The following TMEM229B variants were observed in gnomAD, a reference collection of about 807,000 sequenced individuals.
The protein encoded by TMEM229B is transmembrane protein 229B.
Under a neutral mutation model 13.7 loss-of-function variants are expected in TMEM229B, and 6 were observed. That is an observed-to-expected ratio of 0.44 (90% CI 0.24 to 0.86). The LOEUF (loss-of-function observed/expected upper bound fraction) is 0.86, where lower values mean the gene tolerates loss of function less well. Ranked by LOEUF, TMEM229B falls within the 40% of genes least tolerant of loss-of-function variation. TMEM229B has a pLI of 0.23. For synonymous variants in TMEM229B, 107 were observed against 102.1 expected (o/e 1.05, Z -0.29); for missense variants, 170 against 236.0 (o/e 0.72, Z 1.83).
upstream of TMEM229B, among the ~76,000 whole-genome samples, chr14:67,493,444 G>T (rs1458038654): frequency 6.6e-6 from 1 of 152,182 alleles, no homozygotes; most frequent in Non-Finnish European, 1.5e-5. Flanking sequence ...CTGTGTTAGG[G>T]ATAAAAACCC....
At chr14:67,497,055 G>C (rs1276406612) in intron 1 of TMEM229B, among the ~76,000 whole-genome samples, 2 of 151,938 alleles carry the variant, frequency 1.3e-5, no homozygotes, top group East Asian at 1.9e-4. Flanking sequence ...GCCTCCCAAA[G>C]TGCTGGGATT....
At chr14:67,526,930 CACA>C (rs1302213691) in intron 1 of TMEM229B, among the ~76,000 whole-genome samples, 1 of 152,176 alleles carries the variant, frequency 6.6e-6, no homozygotes, top group Non-Finnish European at 1.5e-5. Flanking sequence ...AAACCCTGAG[CACA>C]ACAAGGAGAA....
intron 1 of TMEM229B, among the ~76,000 whole-genome samples, chr14:67,510,139 G>C (rs1014184091): frequency 6.6e-6 from 1 of 152,242 alleles, no homozygotes; most frequent in African/African-American, 2.4e-5. Flanking sequence ...TTCCAGCTGT[G>C]AGATGGGGAT....
chr14:67,533,594 G>C (rs1411037516), intron 1 of TMEM229B: 1 of 152,148 alleles, frequency 6.6e-6, no homozygotes, highest in Non-Finnish European at 1.5e-5. Context: ...CGCCCCAGGG[G>C]ACTCGCGCCG....
At chr14:67,483,324 A>G (rs549411080) in intron 2 of TMEM229B, among the ~76,000 whole-genome samples, 4 of 152,232 alleles carry the variant, frequency 2.6e-5, no homozygotes, top group African/African-American at 9.6e-5. Context: ...CCTACATTCT[A>G]ATAACTATAA....
rs149335371 is a variant in TMEM229B, at chr14:67,473,727, C to T, written c.197G>A (p.Arg66Gln). 1.8e-4 allele frequency: 296 copies of T among 1,610,858 alleles called. No individual in the cohort carries two copies. The African/African-American group carries it at 3.7e-3, about 20-fold the overall frequency. Reference sequence around the variant, plus strand: ...GAGCAGCGGGCAGCGGCCGCGCAGCCGCAGGTACATGCGCTCCACGATGAG... The same window carrying T: ...GAGCAGCGGGCAGCGGCCGCGCAGCTGCAGGTACATGCGCTCCACGATGAG... ...SILIVERMYL[R>Q]LRGRCPLLLR... is the part of the protein sequence containing the mutation. Residue 66 changes from arginine (R) to glutamine (Q), a missense_variant, in exon 3 of 3, where the codon CGG becomes CAG. Arg to Gln is a conservative substitution (Grantham distance 43, BLOSUM62 1). Coordinates refer to ENST00000554480, the MANE Select transcript of TMEM229B (RefSeq NM_001348543.2). The surrounding 1 kb of genome is among the most constrained non-coding windows in gnomAD (Gnocchi z 6.5).
chr14:67,496,423 A>G (rs1432322115), intron 1 of TMEM229B, among the ~76,000 whole-genome samples: 6 of 15,290 alleles, frequency 3.9e-4, no homozygotes, highest in Non-Finnish European at 5.1e-4. Flanking sequence ...TTTTTTTTTG[A>G]GACAGGGTCT....
At chr14:67,513,128 A>G (rs7155911) in intron 1 of TMEM229B, among the ~76,000 whole-genome samples, 53,029 of 152,004 alleles carry the variant, frequency 0.35, 10,114 homozygotes, top group East Asian at 0.43. Flanking sequence ...GAGAGTATCA[A>G]TTTCCCATCT....
chr14:67,526,589 T>C (rs1295590980), intron 1 of TMEM229B, among the ~76,000 whole-genome samples: 3 of 152,174 alleles, frequency 2.0e-5, no homozygotes, highest in Non-Finnish European at 4.4e-5. Flanking sequence ...AAAATATGCA[T>C]AGTTTAAAGT....
At chr14:67,517,159 A>T (rs1594720136), upstream of TMEM229B, among the ~76,000 whole-genome samples, 1 of 152,190 alleles carries the variant, frequency 6.6e-6, no homozygotes, top group Admixed American at 6.5e-5. Context: ...CGCTGGCAAG[A>T]AGCAGCTAGT....
intron 1 of TMEM229B, among the ~76,000 whole-genome samples, chr14:67,494,326 C>A (rs988709173): frequency 6.6e-6 from 1 of 152,196 alleles, no homozygotes; most frequent in Non-Finnish European, 1.5e-5. Flanking sequence ...CTCAAACCAG[C>A]CTGAGAAAGG....
chr14:67,496,102 T>C (rs1184188192), intron 1 of TMEM229B, among the ~76,000 whole-genome samples: 2 of 152,242 alleles, frequency 1.3e-5, no homozygotes, highest in African/African-American at 2.4e-5. Flanking sequence ...GGTGGGAGGA[T>C]TGCTTGAGCC....
At chr14:67,529,972 T>C (rs1473331077) in intron 1 of TMEM229B, among the ~76,000 whole-genome samples, 2 of 152,086 alleles carry the variant, frequency 1.3e-5, no homozygotes, top group African/African-American at 4.8e-5. Context: ...TTTGGTGATA[T>C]AGGAGAGGGT....
intron 2 of TMEM229B, among the ~76,000 whole-genome samples, chr14:67,481,072 C>G (rs1424566049): frequency 6.6e-6 from 1 of 152,122 alleles, no homozygotes; most frequent in African/African-American, 2.4e-5. Context: ...GGGAGAATAG[C>G]TTGAGGCCAG....
At chr14:67,517,961 T>C (rs1203490555), upstream of TMEM229B, among the ~76,000 whole-genome samples, 18 of 152,162 alleles carry the variant, frequency 1.2e-4, no homozygotes, top group Admixed American at 1.1e-3. Flanking sequence ...GCTGTAGAAA[T>C]GGACTTTAAA....
intron 2 of TMEM229B, among the ~76,000 whole-genome samples, chr14:67,484,786 C>T (rs2031781370): frequency 1.3e-5 from 2 of 152,116 alleles, no homozygotes; most frequent in South Asian, 4.1e-4. Flanking sequence ...AAAAAGCACT[C>T]ATAATTCTGA....
At chr14:67,485,233 G>A (rs548985803) in intron 2 of TMEM229B, among the ~76,000 whole-genome samples, 3 of 152,276 alleles carry the variant, frequency 2.0e-5, no homozygotes, top group African/African-American at 7.2e-5. Context: ...GAGGAACGAC[G>A]TTCCCACAGA....
chr14:67,531,629 C>G (rs145929394), intron 1 of TMEM229B, among the ~76,000 whole-genome samples: 1 of 151,196 alleles, frequency 6.6e-6, no homozygotes, highest in Non-Finnish European at 1.5e-5. Context: ...TAAATGAGTT[C>G]TGGGCCGAGG....
upstream of TMEM229B, among the ~76,000 whole-genome samples, chr14:67,492,731 G>A (rs1283460491): frequency 2.6e-5 from 4 of 152,146 alleles, no homozygotes; most frequent in Non-Finnish European, 5.9e-5. Context: ...AAACAACAAG[G>A]GAACTTAGTC....
Sources: gnomAD v4.1 joint callset for allele counts (sites outside exome capture counted in the v4.1 genomes callset) on GRCh38, gnomAD v4.1.1 for gene constraint, Gnocchi (gnomAD v3.1) non-coding constraint, MANE v1.5 for transcripts, NCBI Gene and HGNC (gene_info 2026-07-23, HGNC 2026-07-21) for gene names.